Variants in SNX7 observed in about 807,000 individuals in gnomAD.
SNX7 encodes the protein sorting nexin-7.
A neutral mutation model predicts 48.4 loss-of-function variants in SNX7; 35 were observed. The observed-to-expected ratio is 0.72, with a 90% CI of 0.55 to 0.96. The LOEUF is 0.96. SNX7 is among the 40% of genes least tolerant of loss of function. The probability of loss-of-function intolerance (pLI) is 0.00; values close to 1 mark genes in which losing one functional copy is unlikely to be tolerated. For synonymous variants in SNX7, 190 were observed against 190.2 expected (o/e 1.00, Z 0.01); for missense variants, 553 against 548.9 (o/e 1.01, Z -0.07).
At chr1:98,715,105 A>G (rs1652517396) in intron 7 of SNX7, among the ~76,000 whole-genome samples, 1 of 152,146 alleles carries the variant, frequency 6.6e-6, no homozygotes, top group Admixed American at 6.5e-5. Flanking sequence ...TTATATTATC[A>G]AATGCTCAGA....
At chr1:98,746,518 G>A (rs1323545473) in intron 8 of SNX7, among the ~76,000 whole-genome samples, 1 of 152,048 alleles carries the variant, frequency 6.6e-6, no homozygotes, top group Non-Finnish European at 1.5e-5. Context: ...GCTCACAGAA[G>A]CCATTTATGG....
In SNX7 at chr1:98,695,615, G is replaced by T; in HGVS notation, c.737G>T (p.Arg246Leu). The T allele has an allele frequency of 2.5e-6, 4 of 1,613,996 alleles. No individual in the cohort carries two copies. Among genetic ancestry groups the T allele is most frequent in the African/African-American group, 1.3e-5 (1 of 75,012 alleles). Reference sequence around the variant, plus strand: ...TCCTCAATGAGAGGAGTTAAAAACCGCCCAGAGGAGTTCATGGAAATGAAT... The same window carrying T: ...TCCTCAATGAGAGGAGTTAAAAACCTCCCAGAGGAGTTCATGGAAATGAAT... The part of the protein sequence containing the change: ...VASSMRGVKN[R>L]PEEFMEMNNF... Residue 246 changes from arginine to leucine, a missense_variant, in exon 5 of 9, where the codon CGC (arginine) becomes CTC (leucine). Coordinates refer to ENST00000306121, the MANE Select transcript of SNX7 (RefSeq NM_015976.5).
At chr1:98,724,730 T>C (rs1455564073) in intron 7 of SNX7, among the ~76,000 whole-genome samples, 1 of 152,150 alleles carries the variant, frequency 6.6e-6, no homozygotes, top group Non-Finnish European at 1.5e-5. Context: ...GAACTGAAAT[T>C]TCTCCCTAGA....
At chr1:98,691,958 C>T (rs1651165053) in intron 4 of SNX7, among the ~76,000 whole-genome samples, 1 of 150,788 alleles carries the variant, frequency 6.6e-6, no homozygotes, top group African/African-American at 2.4e-5. Flanking sequence ...CTCTCTCTCT[C>T]TCTCTCTCTA....
chr1:98,679,204 AAG>A, intron 1 of SNX7, among the ~76,000 whole-genome samples: 1 of 152,240 alleles, frequency 6.6e-6, no homozygotes, highest in African/African-American at 2.4e-5. Flanking sequence ...AGCAGGGCAA[AAG>A]AGCTTGTGCA....
chr1:98,733,874 TAAC>T (rs1427522294), intron 7 of SNX7, among the ~76,000 whole-genome samples: 1 of 152,104 alleles, frequency 6.6e-6, no homozygotes, highest in Admixed American at 6.6e-5. Context: ...GTTTCTCTCT[TAAC>T]AATTTCCACA....
chr1:98,756,178 A>G (rs1267397844), intron 8 of SNX7, among the ~76,000 whole-genome samples: 1 of 151,912 alleles, frequency 6.6e-6, no homozygotes, highest in African/African-American at 2.4e-5. Context: ...ATTATACTTC[A>G]TATATAAGAA....
intron 7 of SNX7, 75 bp from the exon 8 acceptor site, chr1:98,738,162 C>T: frequency 6.7e-7 from 1 of 1,491,570 alleles, no homozygotes; most frequent in Non-Finnish European, 9.1e-7. Flanking sequence ...GTATTTTGTT[C>T]AACTTAAATT....
intron 6 of SNX7, among the ~76,000 whole-genome samples, chr1:98,700,338 C>G (rs2100973236): frequency 6.6e-6 from 1 of 152,188 alleles, no homozygotes. Flanking sequence ...TGTATTTGTG[C>G]ATATGAAAAC....
At chr1:98,681,525 A>C (rs375831949) in intron 1 of SNX7, among the ~76,000 whole-genome samples, 1 of 152,252 alleles carries the variant, frequency 6.6e-6, no homozygotes, top group East Asian at 1.9e-4. Context: ...TTAAACCTCT[A>C]TCTACCTTAA....
intron 7 of SNX7, among the ~76,000 whole-genome samples, chr1:98,719,084 T>C (rs186487864): frequency 1.5e-3 from 234 of 152,286 alleles, no homozygotes; most frequent in Non-Finnish European, 2.6e-3. Flanking sequence ...TTAATTTTGA[T>C]AGCCCTTTGC....
intron 7 of SNX7, among the ~76,000 whole-genome samples, chr1:98,722,771 C>A (rs369753895): frequency 6.8e-6 from 1 of 146,514 alleles, no homozygotes; most frequent in Non-Finnish European, 1.5e-5. Context: ...ATATAGCTTC[C>A]ATTTAAAAAG....
At chr1:98,737,503 A>C (rs1239046441) in intron 7 of SNX7, among the ~76,000 whole-genome samples, 3 of 152,234 alleles carry the variant, frequency 2.0e-5, no homozygotes, top group Non-Finnish European at 4.4e-5. Flanking sequence ...CAAGACACTT[A>C]GTAAATATAT....
At chr1:98,664,529 CAAAAG>C (rs765803860) in intron 1 of SNX7, among the ~76,000 whole-genome samples, 15 of 151,820 alleles carry the variant, frequency 9.9e-5, no homozygotes, top group Non-Finnish European at 2.1e-4. Context: ...GACTCTGTCT[CAAAAG>C]AAAAACAAAA....
intron 7 of SNX7, among the ~76,000 whole-genome samples, chr1:98,703,536 G>C (rs1184248284): frequency 6.6e-6 from 1 of 151,922 alleles, no homozygotes; most frequent in Non-Finnish European, 1.5e-5. Context: ...AGAAAATGTA[G>C]AACTAGATGA....
chr1:98,701,041 A>T (rs1651721669), intron 6 of SNX7, among the ~76,000 whole-genome samples: 2 of 152,328 alleles, frequency 1.3e-5, no homozygotes, highest in Admixed American at 1.3e-4. Context: ...GAGTACAAAT[A>T]AAAAGAGTCC....
At chr1:98,683,864 A>G (rs1426358328) in intron 1 of SNX7, among the ~76,000 whole-genome samples, 1 of 152,082 alleles carries the variant, frequency 6.6e-6, no homozygotes, top group African/African-American at 2.4e-5. Context: ...CTGTATTTTC[A>G]TAGGACTTCT....
intron 1 of SNX7, among the ~76,000 whole-genome samples, chr1:98,678,049 AG>A (rs1346165197): frequency 6.6e-6 from 1 of 151,832 alleles, no homozygotes; most frequent in Non-Finnish European, 1.5e-5. Context: ...ATTGCTATAA[AG>A]AAATACCTGA....
intron 8 of SNX7, among the ~76,000 whole-genome samples, chr1:98,756,331 A>G (rs1401658303): frequency 6.7e-6 from 1 of 150,346 alleles, no homozygotes; most frequent in African/African-American, 2.4e-5. Flanking sequence ...AATAATAGGA[A>G]AAGTATGTAT....
Sources: gnomAD v4.1 joint callset for allele counts (sites outside exome capture counted in the v4.1 genomes callset) on GRCh38, gnomAD v4.1.1 for gene constraint, MANE v1.5 for transcripts, NCBI Gene and HGNC (gene_info 2026-07-23, HGNC 2026-07-21) for gene names.